WWOX: variants seen among roughly 807,000 people sequenced by gnomAD.
WWOX encodes the protein WW domain-containing oxidoreductase.
Under a neutral mutation model 46.2 loss-of-function variants are expected in WWOX, and 69 were observed. The ratio of observed to expected loss-of-function variants is 1.49; its 90% CI spans 1.23 to 1.82. WWOX has a LOEUF of 1.82. Ranked by LOEUF, WWOX falls within the 40% of genes most tolerant of loss-of-function variation. WWOX has a pLI of 0.00. For synonymous variants in WWOX, 359 were observed against 202.6 expected (o/e 1.77, Z -6.56); for missense variants, 919 against 542.6 (o/e 1.69, Z -6.89).
At chr16:78,307,220 C>G (rs1300866240) in intron 5 of WWOX, among the ~76,000 whole-genome samples, 1 of 152,096 alleles carries the variant, frequency 6.6e-6, no homozygotes, top group Non-Finnish European at 1.5e-5. Flanking sequence ...TCACTGCTGC[C>G]CGTTCATTGC....
intron 5 of WWOX, chr16:78,355,402 A>G (rs997332507): frequency 7.9e-6 from 2 of 252,904 alleles, no homozygotes; most frequent in Non-Finnish European, 1.5e-5. Flanking sequence ...GGAGATCGAG[A>G]CCATCCTGGC....
At chr16:78,723,414 G>C (rs1452822537) in intron 8 of WWOX, among the ~76,000 whole-genome samples, 1 of 149,038 alleles carries the variant, frequency 6.7e-6, no homozygotes, top group Admixed American at 6.7e-5. Flanking sequence ...TGCCCTGATG[G>C]TGCCAAGCTA....
intron 8 of WWOX, among the ~76,000 whole-genome samples, chr16:78,705,050 T>G (rs866440556): frequency 1.3e-5 from 2 of 152,276 alleles, no homozygotes; most frequent in Middle Eastern, 3.4e-3. Flanking sequence ...ACCATGACTT[T>G]TGCATGCTGA....
intron 8 of WWOX, among the ~76,000 whole-genome samples, chr16:78,746,372 C>T (rs2049347193): frequency 6.6e-6 from 1 of 152,106 alleles, no homozygotes; most frequent in South Asian, 2.1e-4. Flanking sequence ...ATGGTGCATG[C>T]CTGTAGTCTC....
intron 8 of WWOX, among the ~76,000 whole-genome samples, chr16:78,949,167 C>G (rs757207043): frequency 1.3e-5 from 2 of 152,180 alleles, no homozygotes; most frequent in African/African-American, 4.8e-5. Context: ...GCAGCAGATT[C>G]TTTCCTGGAG....
At chr16:78,955,984 C>G (rs1312223161) in intron 8 of WWOX, among the ~76,000 whole-genome samples, 1 of 147,676 alleles carries the variant, frequency 6.8e-6, no homozygotes, top group African/African-American at 2.5e-5. Flanking sequence ...AAACAAAAAA[C>G]AAAAAACAAA....
chr16:78,202,412 C>T (rs145615244), intron 5 of WWOX, among the ~76,000 whole-genome samples: 3 of 152,314 alleles, frequency 2.0e-5, no homozygotes, highest in Admixed American at 2.0e-4. Context: ...GTCGATCTGG[C>T]TTTATCCATT....
At chr16:78,834,434 C>T (rs140202445) in intron 8 of WWOX, among the ~76,000 whole-genome samples, 94 of 152,266 alleles carry the variant, frequency 6.2e-4, no homozygotes, top group African/African-American at 2.2e-3. Context: ...TGCCCCTCAG[C>T]TCCTAAGTAA....
At chr16:78,100,197 G>T (rs1174061589) in intron 1 of WWOX, 1 of 1,207,604 alleles carries the variant, frequency 8.3e-7, no homozygotes, top group Non-Finnish European at 1.0e-6. Context: ...TTTAAAAAGC[G>T]CACATGCTCA....
At chr16:79,058,126 A>T (rs2048297707) in intron 8 of WWOX, among the ~76,000 whole-genome samples, 1 of 74,008 alleles carries the variant, frequency 1.4e-5, no homozygotes, top group East Asian at 2.3e-4. Context: ...AAAAACAAAC[A>T]AACAAAAAAA....
intron 6 of WWOX, among the ~76,000 whole-genome samples, chr16:78,414,091 G>A (rs980445309): frequency 6.6e-6 from 1 of 151,594 alleles, no homozygotes; most frequent in South Asian, 2.1e-4. Context: ...TCCTCTTCCT[G>A]AGGCAGTGAG....
chr16:79,111,658 G>C (rs571309948), intron 8 of WWOX, among the ~76,000 whole-genome samples: 2 of 152,288 alleles, frequency 1.3e-5, no homozygotes, highest in South Asian at 2.1e-4. Flanking sequence ...AAGGGCAGTA[G>C]GTAATTCTGG....
At chr16:79,013,122 G>T (rs748439417) in intron 8 of WWOX, among the ~76,000 whole-genome samples, 1 of 152,186 alleles carries the variant, frequency 6.6e-6, no homozygotes, top group Non-Finnish European at 1.5e-5. Flanking sequence ...CTCCAGAATT[G>T]CCCTGTTGAG....
chr16:78,174,523 C>A (rs954717895), intron 5 of WWOX, among the ~76,000 whole-genome samples: 12 of 152,204 alleles, frequency 7.9e-5, no homozygotes, highest in African/African-American at 2.9e-4. Flanking sequence ...CTCCAAAATT[C>A]ATGTTCTTCT....
chr16:78,921,792 CT>C (rs943047368), intron 8 of WWOX, among the ~76,000 whole-genome samples: 20 of 152,324 alleles, frequency 1.3e-4, no homozygotes, highest in Middle Eastern at 3.4e-3. Context: ...CAAGATTGTC[CT>C]TACTCTGACA....
At chr16:78,406,356 TTTATTA>T (rs1224747629) in intron 6 of WWOX, among the ~76,000 whole-genome samples, 1 of 96,252 alleles carries the variant, frequency 1.0e-5, no homozygotes, top group African/African-American at 4.5e-5. Flanking sequence ...ATATATATAT[TTTATTA>T]TTTTTTTTTG....
At chr16:78,645,772 T>C (rs2046825090) in intron 8 of WWOX, among the ~76,000 whole-genome samples, 1 of 152,102 alleles carries the variant, frequency 6.6e-6, no homozygotes, top group African/African-American at 2.4e-5. Context: ...AACATGAGAT[T>C]TGGAAGCAAC....
chr16:78,149,036 G>A (rs2034307128), intron 4 of WWOX, among the ~76,000 whole-genome samples: 1 of 151,778 alleles, frequency 6.6e-6, no homozygotes, highest in Admixed American at 6.6e-5. Context: ...CCATCACTCA[G>A]GCTGGAGGGC....
At chr16:78,325,153 C>T (rs1293926225) in intron 5 of WWOX, among the ~76,000 whole-genome samples, 5 of 152,192 alleles carry the variant, frequency 3.3e-5, no homozygotes, top group Admixed American at 1.3e-4. Context: ...GAAGGCACTG[C>T]TCAGAGGAAC....
Sources: allele counts gnomAD v4.1 joint callset (sites outside exome capture counted in the v4.1 genomes callset), GRCh38; gene constraint gnomAD v4.1.1; transcripts MANE v1.5; gene names NCBI Gene and HGNC (gene_info 2026-07-23, HGNC 2026-07-21).